Variants in SLIT2 observed in about 807,000 individuals in gnomAD.
SLIT2 encodes the protein slit guidance ligand 2.
In SLIT2, 41 loss-of-function variants were observed where a neutral mutation model predicts 185.7. The observed-to-expected ratio is 0.22, with a 90% CI of 0.17 to 0.29. SLIT2 has a LOEUF of 0.29. Among genes scored for constraint, SLIT2 ranks in the 10% least tolerant of loss-of-function variants. The pLI, the probability that SLIT2 is intolerant of heterozygous loss-of-function variation, is 1.00. For synonymous variants in SLIT2, 693 were observed against 680.2 expected (o/e 1.02, Z -0.29); for missense variants, 1,571 against 1,909.0 (o/e 0.82, Z 3.30).
Position 20,529,042 on chromosome 4 carries a change from G to T in SLIT2, c.1556G>T (p.Cys519Phe), listed in dbSNP as rs1424423529. ...CGCTGTGAAGGAACCACAGTAGATT[G>T]CTCTAATCAAAAGCTCAACAAAATC... ...KCRCEGTTVD[C>F]SNQKLNKIPE... is the part of the protein sequence containing the mutation. The change falls in exon 16 of 37, where the codon TGC (cysteine) becomes TTC (phenylalanine). Residue 519 changes from cysteine to phenylalanine, a missense_variant. Cys to Phe is a radical substitution (Grantham distance 205). Transcript: ENST00000504154. 1 of 1,613,922 alleles carries T rather than the reference G, an allele frequency of 6.2e-7. No individual in the cohort carries two copies. Among genetic ancestry groups the T allele is most frequent in the African/African-American group, 1.3e-5 (1 of 75,014 alleles).
intron 10 of SLIT2, among the ~76,000 whole-genome samples, chr4:20,510,848 A>G (rs966906439): frequency 2.0e-5 from 3 of 152,226 alleles, no homozygotes; most frequent in Admixed American, 1.3e-4. Flanking sequence ...ATTGTCAAAA[A>G]TAAGACATAG....
chr4:20,491,687 T>G, intron 8 of SLIT2, 74 bp from the exon 9 acceptor site: 441 of 1,274,306 alleles, frequency 3.5e-4, no homozygotes, highest in Non-Finnish European at 4.4e-4. Context: ...CTTTGTTACT[T>G]GAGCTAAGTT....
intron 4 of SLIT2, among the ~76,000 whole-genome samples, chr4:20,320,170 A>G (rs1718942810): frequency 6.6e-6 from 1 of 152,228 alleles, no homozygotes; most frequent in Non-Finnish European, 1.5e-5. Context: ...AGAAGAATCT[A>G]TAAGTTGGTA....
intron 4 of SLIT2, among the ~76,000 whole-genome samples, chr4:20,276,611 A>C (rs1330763007): frequency 2.4e-5 from 3 of 122,986 alleles, no homozygotes; most frequent in African/African-American, 9.0e-5. Flanking sequence ...AACAAACAAA[A>C]ACTTAAAAGA....
chr4:20,274,261 T>C (rs1438157588), intron 4 of SLIT2, among the ~76,000 whole-genome samples: 1 of 152,160 alleles, frequency 6.6e-6, no homozygotes, highest in Non-Finnish European at 1.5e-5. Flanking sequence ...TAATTACTTA[T>C]TGGGCCCAAG....
intron 16 of SLIT2, among the ~76,000 whole-genome samples, chr4:20,529,864 G>A (rs1395240540): frequency 1.3e-5 from 2 of 152,034 alleles, no homozygotes; most frequent in Non-Finnish European, 2.9e-5. Flanking sequence ...AGCACCATCT[G>A]GTATTTGTCA....
At chr4:20,517,641 T>C (rs895144046) in intron 11 of SLIT2, among the ~76,000 whole-genome samples, 16 of 152,306 alleles carry the variant, frequency 1.1e-4, no homozygotes, top group Non-Finnish European at 2.4e-4. Context: ...TTTATAGTTA[T>C]ATCATGGAAT....
Position 20,617,031 on chromosome 4 carries a change from G to A in SLIT2, c.3969G>A (p.Val1323=), listed in dbSNP as rs2148990249. The A allele has an allele frequency of 6.2e-7, 1 of 1,614,192 alleles. No homozygotes were observed. Among genetic ancestry groups the A allele is most frequent in the Non-Finnish European group, 8.5e-7 (1 of 1,180,030 alleles). Residue 1323 remains valine, a synonymous_variant, in exon 35 of 37, where the codon GTG becomes GTA. Coordinates refer to ENST00000504154, the MANE Select transcript of SLIT2 (RefSeq NM_004787.4). ...INSELQDFQK[V]PMQTGILPGC... ...GTGAGCTGCAGGACTTCCAGAAGGTGCCGATGCAAACAGGCATTTTGCCTG... is the reference window on the plus strand; with the variant it reads ...GTGAGCTGCAGGACTTCCAGAAGGTACCGATGCAAACAGGCATTTTGCCTG...
chr4:20,459,311 G>C (rs1713437596), intron 4 of SLIT2, among the ~76,000 whole-genome samples: 1 of 152,098 alleles, frequency 6.6e-6, no homozygotes, highest in African/African-American at 2.4e-5. Flanking sequence ...CAGTCAAGGT[G>C]GTGATAAAAA....
intron 9 of SLIT2, among the ~76,000 whole-genome samples, chr4:20,502,772 A>T (rs1012923410): frequency 1.3e-5 from 2 of 152,214 alleles, no homozygotes; most frequent in Non-Finnish European, 2.9e-5. Flanking sequence ...TGGCGATAGA[A>T]TATGAGGGAA....
intron 4 of SLIT2, among the ~76,000 whole-genome samples, chr4:20,311,202 T>A (rs1221161531): frequency 1.3e-5 from 2 of 152,214 alleles, no homozygotes; most frequent in Admixed American, 6.5e-5. Context: ...ACTCAATATT[T>A]TATACCAAAA....
rs1713091705 is a variant in SLIT2 at position 20,456,575 on chromosome 4, T to TG, written c.396-11176dup. Among the ~76,000 whole-genome samples the TG allele has an allele frequency of 4.6e-5, 7 of 152,172 alleles. No individual in the cohort carries two copies. The South Asian group carries it at 1.4e-3, about 32-fold the overall frequency. ...TGCTCTTTACTCACATATGCATGGC[T>TG]GATCTTCCTCAGTATATTGCAGTCA... On this transcript the variant is annotated intron_variant, in intron 4 of 36. Transcript: ENST00000504154.
chr4:20,288,992 A>G (rs1252892519), intron 4 of SLIT2, among the ~76,000 whole-genome samples: 1 of 152,164 alleles, frequency 6.6e-6, no homozygotes, highest in Non-Finnish European at 1.5e-5. Context: ...AAGAAAGGGC[A>G]TGTGTTGATT....
At chr4:20,421,842 G>A (rs1728195127) in intron 4 of SLIT2, among the ~76,000 whole-genome samples, 1 of 152,052 alleles carries the variant, frequency 6.6e-6, no homozygotes, top group African/African-American at 2.4e-5. Flanking sequence ...TTCTCCATTT[G>A]ACAGCACCTG....
At chr4:20,521,799 C>T (rs1462333262) in intron 12 of SLIT2, among the ~76,000 whole-genome samples, 2 of 151,622 alleles carry the variant, frequency 1.3e-5, no homozygotes, top group Non-Finnish European at 2.9e-5. Flanking sequence ...TGATGTAGCA[C>T]CTTTAAAAAA....
intron 4 of SLIT2, among the ~76,000 whole-genome samples, chr4:20,379,458 A>T (rs1724313575): frequency 6.6e-6 from 1 of 152,174 alleles, no homozygotes; most frequent in African/African-American, 2.4e-5. Flanking sequence ...TGAGTGCTTG[A>T]TGGATCATCT....
intron 4 of SLIT2, among the ~76,000 whole-genome samples, chr4:20,385,565 A>C (rs899059529): frequency 2.0e-5 from 3 of 152,154 alleles, no homozygotes; most frequent in Admixed American, 6.6e-5. Flanking sequence ...TCATATCTGC[A>C]CCTTCACTTG....
intron 5 of SLIT2, among the ~76,000 whole-genome samples, chr4:20,478,875 A>G (rs1242446740): frequency 1.3e-5 from 2 of 152,214 alleles, no homozygotes; most frequent in African/African-American, 4.8e-5. Flanking sequence ...AAATGAATTT[A>G]ATCTGTAAAA....
intron 4 of SLIT2, among the ~76,000 whole-genome samples, chr4:20,327,775 A>G (rs1287699694): frequency 1.3e-5 from 2 of 152,052 alleles, no homozygotes; most frequent in African/African-American, 2.4e-5. Context: ...ACCACTGCCC[A>G]TTCCATTAAT....
Sources: allele counts gnomAD v4.1 joint callset (sites outside exome capture counted in the v4.1 genomes callset), GRCh38; gene constraint gnomAD v4.1.1; transcripts MANE v1.5; gene names NCBI Gene and HGNC (gene_info 2026-07-23, HGNC 2026-07-21).